The following TBC1D4 variants were observed in gnomAD, a reference collection of about 807,000 sequenced individuals.
TBC1D4 encodes TBC1 domain family member 4.
TBC1D4 carries 121 observed loss-of-function variants against 142.5 expected under a neutral mutation model. The ratio of observed to expected loss-of-function variants is 0.85; its 90% CI spans 0.73 to 0.99. The LOEUF (loss-of-function observed/expected upper bound fraction) is 0.99, where lower values mean the gene tolerates loss of function less well. Ranked by LOEUF, TBC1D4 falls within the 50% of genes least tolerant of loss-of-function variation. The pLI is 0.00. For missense variants in TBC1D4, 1,475 were observed against 1,606.6 expected (o/e 0.92, Z 1.40); for synonymous variants, 630 against 628.2 (o/e 1.00, Z -0.04).
intron 1 of TBC1D4, among the ~76,000 whole-genome samples, chr13:75,463,553 T>C (rs1366947116): frequency 6.6e-6 from 1 of 152,234 alleles, no homozygotes; most frequent in Non-Finnish European, 1.5e-5. Flanking sequence ...GAAGTTCTTA[T>C]GTGCAATCAA....
chr13:75,444,428 C>CT (rs1887187663), intron 1 of TBC1D4, among the ~76,000 whole-genome samples: 1 of 152,102 alleles, frequency 6.6e-6, no homozygotes, highest in Non-Finnish European at 1.5e-5. Context: ...TTCCTGGCCT[C>CT]TAACTCTTTA....
chr13:75,328,788 T>A (rs1390071715), intron 8 of TBC1D4, among the ~76,000 whole-genome samples: 1 of 152,182 alleles, frequency 6.6e-6, no homozygotes. Flanking sequence ...TCTGCAAACA[T>A]TCTTAGGTTT....
chr13:75,473,313 AC>A (rs1358574907), intron 1 of TBC1D4, among the ~76,000 whole-genome samples: 1 of 152,264 alleles, frequency 6.6e-6, no homozygotes, highest in Non-Finnish European at 1.5e-5. Context: ...TGTCCAAGTT[AC>A]ATAACCCATT....
chr13:75,439,622 T>C (rs1435070954), intron 1 of TBC1D4, among the ~76,000 whole-genome samples: 2 of 152,178 alleles, frequency 1.3e-5, no homozygotes, highest in African/African-American at 4.8e-5. Flanking sequence ...ACCCAATGTT[T>C]AGAAAAACTG....
intron 1 of TBC1D4, among the ~76,000 whole-genome samples, chr13:75,463,976 T>C (rs572144396): frequency 2.6e-5 from 4 of 152,194 alleles, no homozygotes; most frequent in East Asian, 1.9e-4. Context: ...ACTCAACTCA[T>C]GTAAACTGAA....
chr13:75,306,264 C>A, intron 15 of TBC1D4, 49 bp downstream of exon 15: 1 of 1,505,090 alleles, frequency 6.6e-7, no homozygotes, highest in South Asian at 1.3e-5. Context: ...AAAAAAATCC[C>A]CCAGGCTTTT....
chr13:75,474,311 G>A (rs960850274), intron 1 of TBC1D4, among the ~76,000 whole-genome samples: 1 of 152,230 alleles, frequency 6.6e-6, no homozygotes, highest in Non-Finnish European at 1.5e-5. Context: ...TGTAATCCCA[G>A]CACTTTGGGA....
At chr13:75,364,322 A>C (rs1312864070) in intron 1 of TBC1D4, among the ~76,000 whole-genome samples, 1 of 152,232 alleles carries the variant, frequency 6.6e-6, no homozygotes, top group Non-Finnish European at 1.5e-5. Flanking sequence ...TTCGGACCAC[A>C]GATGACCACA....
Position 75,338,458 on chromosome 13 carries a change from C to T in TBC1D4, c.1612-1418G>A, listed in dbSNP as rs181883144. Among the ~76,000 whole-genome samples the T allele has an allele frequency of 3.1e-4, 47 of 152,138 alleles. 1 individual carries two copies. Among genetic ancestry groups the T allele is most frequent in the Admixed American group, 1.9e-3 (29 of 15,266 alleles). ...CACATAGTAACTGCTCAGTAAATAC[C>T]AGTTGAATAAATGGAAGGAAATGAA... On this transcript the variant is annotated intron_variant, in intron 7 of 20. Transcript: ENST00000377636.
At chr13:75,400,460 CTTT>C (rs56282911) in intron 1 of TBC1D4, among the ~76,000 whole-genome samples, 34 of 130,600 alleles carry the variant, frequency 2.6e-4, no homozygotes, top group Non-Finnish European at 2.8e-4. Flanking sequence ...TAAATTCATG[CTTT>C]TTTTTTTTTT....
At chr13:75,384,441 C>T (rs1378802308) in intron 1 of TBC1D4, among the ~76,000 whole-genome samples, 4 of 152,006 alleles carry the variant, frequency 2.6e-5, no homozygotes, top group African/African-American at 9.7e-5. Flanking sequence ...AAAAACCTCA[C>T]CTCCAATGAG....
chr13:75,403,216 C>G (rs1885183923), intron 1 of TBC1D4, among the ~76,000 whole-genome samples: 1 of 152,184 alleles, frequency 6.6e-6, no homozygotes, highest in African/African-American at 2.4e-5. Flanking sequence ...ACCGGATCCT[C>G]TACTTCACAA....
intron 3 of TBC1D4, among the ~76,000 whole-genome samples, chr13:75,358,838 T>C (rs561557715): frequency 1.3e-5 from 2 of 152,124 alleles, no homozygotes; most frequent in Non-Finnish European, 2.9e-5. Flanking sequence ...CAATCCAGCC[T>C]GGATGACAGA....
rs760140728 is a variant in TBC1D4 at position 75,292,138 on chromosome 13, A to G, written c.3450T>C (p.Asp1150=). Residue 1150 remains aspartate (D), a synonymous_variant, in exon 19 of 21, where the codon GAT becomes GAC. Transcript: ENST00000377636. ...TTTTTTCCATTTCAGAGGTATTCAT[A>G]TCAGGTAGCGTGTTTTTAAGAAACT... is the stretch of plus-strand genomic sequence containing the variant. The part of the protein sequence containing the change: ...IVEFLKNTLP[D]MNTSEMEKII... 2.5e-6 allele frequency: 4 copies of G among 1,612,688 alleles called. No individual in the cohort carries two copies. In the East Asian group the frequency reaches 8.9e-5, roughly 36 times the overall value.
intron 1 of TBC1D4, among the ~76,000 whole-genome samples, chr13:75,393,191 T>G (rs910342023): frequency 5.3e-5 from 8 of 151,808 alleles, no homozygotes; most frequent in African/African-American, 1.9e-4. Flanking sequence ...TGCATTTGGT[T>G]TTGTTTTTTC....
At chr13:75,422,867 G>C (rs138140543) in intron 1 of TBC1D4, among the ~76,000 whole-genome samples, 1 of 152,000 alleles carries the variant, frequency 6.6e-6, no homozygotes, top group East Asian at 1.9e-4. Context: ...AGCTACTCTC[G>C]GTTTTTAAAA....
intron 1 of TBC1D4, among the ~76,000 whole-genome samples, chr13:75,426,069 C>A (rs1032255875): frequency 6.6e-5 from 10 of 151,896 alleles, no homozygotes; most frequent in African/African-American, 2.2e-4. Context: ...ATGTTTTATA[C>A]CATAAATGTA....
intron 1 of TBC1D4, among the ~76,000 whole-genome samples, chr13:75,446,915 G>C (rs1038008826): frequency 1.3e-5 from 2 of 152,098 alleles, no homozygotes; most frequent in Non-Finnish European, 2.9e-5. Context: ...AGGAATTGTG[G>C]TGGCCAAGGA....
At chr13:75,366,505 T>A (rs1453451113) in intron 1 of TBC1D4, among the ~76,000 whole-genome samples, 2 of 152,192 alleles carry the variant, frequency 1.3e-5, no homozygotes, top group Non-Finnish European at 2.9e-5. Context: ...GTTAAAATGA[T>A]CCATTTCCAT....
Sources: allele counts gnomAD v4.1 joint callset (sites outside exome capture counted in the v4.1 genomes callset), GRCh38; gene constraint gnomAD v4.1.1; transcripts MANE v1.5; gene names NCBI Gene and HGNC (gene_info 2026-07-23, HGNC 2026-07-21).